Variants in HK1 observed in about 807,000 individuals in gnomAD.
The protein encoded by HK1 is hexokinase-1.
A neutral mutation model predicts 91.6 loss-of-function variants in HK1; 28 were observed. The observed-to-expected ratio is 0.31, with a 90% CI of 0.23 to 0.42. HK1 has a LOEUF of 0.42. Ranked by LOEUF, HK1 falls within the 10% of genes least tolerant of loss-of-function variation. HK1 has a pLI of 1.00. For synonymous variants in HK1, 430 were observed against 468.1 expected (o/e 0.92, Z 1.05); for missense variants, 770 against 1,219.8 (o/e 0.63, Z 5.49).
chr10:69,400,460 G>T (rs528641848), intron 17 of HK1, among the ~76,000 whole-genome samples: 7 of 152,228 alleles, frequency 4.6e-5, no homozygotes, highest in African/African-American at 1.7e-4. Flanking sequence ...GGCGCTGGGG[G>T]TCTCAGGGTT....
At chr10:69,342,393 A>G (rs1397355109) in intron 1 of HK1, among the ~76,000 whole-genome samples, 1 of 152,208 alleles carries the variant, frequency 6.6e-6, no homozygotes, top group Non-Finnish European at 1.5e-5. Flanking sequence ...TCCAGCCTGA[A>G]GGACTTGGAC....
chr10:69,371,658 T>C (rs558171010), intron 7 of HK1, among the ~76,000 whole-genome samples: 2 of 152,334 alleles, frequency 1.3e-5, no homozygotes, highest in South Asian at 4.1e-4. Context: ...CAGGCCCTTA[T>C]CCTTGGTTCC....
In HK1 at chr10:69,360,094, G is replaced by C. The variant is rs745979891; in HGVS notation, c.375+49G>C. On this transcript the variant is annotated intron_variant, in intron 3 of 17. Transcript: ENST00000359426. ...CACCCCGTCGGGCCAGCATCCCCTT[G>C]GTTACCTCCAGGAACCAGGCCTCAA... is the stretch of plus-strand genomic sequence containing the variant. 55 of 1,592,112 alleles carry C rather than the reference G, an allele frequency of 3.5e-5. 1 individual carries two copies. In the South Asian group the frequency reaches 6.1e-4, roughly 18 times the overall value.
intron 1 of HK1, among the ~76,000 whole-genome samples, chr10:69,328,268 G>A (rs1224402859): frequency 2.0e-5 from 3 of 152,166 alleles, no homozygotes; most frequent in African/African-American, 4.8e-5. Flanking sequence ...GTCCCTGTGC[G>A]AGGCAGAAAA....
At chr10:69,276,515 CG>C (rs1844481336) in intron 1 of HK1, among the ~76,000 whole-genome samples, 1 of 151,420 alleles carries the variant, frequency 6.6e-6, no homozygotes, top group Non-Finnish European at 1.5e-5. Flanking sequence ...AAAAATTAGC[CG>C]GGTGTGGTAG....
At chr10:69,279,059 T>C (rs1844605990) in intron 1 of HK1, among the ~76,000 whole-genome samples, 1 of 152,226 alleles carries the variant, frequency 6.6e-6, no homozygotes. Flanking sequence ...AGTAAGTTTC[T>C]TTGGAAGTTT....
intron 1 of HK1, among the ~76,000 whole-genome samples, chr10:69,276,138 TACAC>T (rs1554874357): frequency 2.7e-4 from 21 of 76,416 alleles, no homozygotes; most frequent in African/African-American, 7.3e-4. Context: ...TATATATATA[TACAC>T]ATATATATAT....
chr10:69,303,981 G>A (rs574339196), intron 5 of HK1, among the ~76,000 whole-genome samples: 3 of 152,212 alleles, frequency 2.0e-5, no homozygotes, highest in African/African-American at 7.2e-5. Context: ...TTCTGGCTGG[G>A]GGCCACAAGA....
At chr10:69,332,680 CCT>C (rs2132634605) in intron 1 of HK1, among the ~76,000 whole-genome samples, 2 of 152,134 alleles carry the variant, frequency 1.3e-5, no homozygotes, top group Non-Finnish European at 1.5e-5. Context: ...CCTGGCCTGG[CCT>C]CTGTTTCATC....
At chr10:69,340,308 G>A (rs374245325) in intron 1 of HK1, among the ~76,000 whole-genome samples, 24 of 152,168 alleles carry the variant, frequency 1.6e-4, no homozygotes, top group East Asian at 7.7e-4. Flanking sequence ...GTGCGATGGC[G>A]CGATCTTGGC....
At chr10:69,355,519 G>A (rs1849084478) in intron 2 of HK1, among the ~76,000 whole-genome samples, 1 of 152,210 alleles carries the variant, frequency 6.6e-6, no homozygotes, top group South Asian at 2.1e-4. Flanking sequence ...GCTGAGTGTG[G>A]TGGCTCATGC....
chr10:69,394,904 C>T (rs1191414256), intron 15 of HK1, 46 bp from the exon 16 acceptor site: 4 of 1,606,840 alleles, frequency 2.5e-6, no homozygotes, highest in Non-Finnish European at 2.6e-6. Flanking sequence ...TGACAGTTCT[C>T]CTGGCCACTT....
intron 2 of HK1, 103 bp from the exon 3 acceptor site, chr10:69,359,794 G>C: frequency 9.3e-7 from 1 of 1,075,316 alleles, no homozygotes; most frequent in Admixed American, 1.7e-5. Context: ...GCATGTGGCA[G>C]GGGGAGGCAG....
intron 1 of HK1, among the ~76,000 whole-genome samples, chr10:69,321,577 A>G (rs1292088443): frequency 6.6e-6 from 1 of 152,216 alleles, no homozygotes; most frequent in Non-Finnish European, 1.5e-5. Context: ...GGCATCCCTC[A>G]GTAACTCTCA....
intron 3 of HK1, among the ~76,000 whole-genome samples, chr10:69,291,714 T>C (rs1403978178): frequency 6.6e-6 from 1 of 152,196 alleles, no homozygotes; most frequent in Non-Finnish European, 1.5e-5. Flanking sequence ...TTTTGAGTTG[T>C]TCCAAGCTTA....
intron 1 of HK1, among the ~76,000 whole-genome samples, chr10:69,274,804 G>A (rs1387781576): frequency 2.6e-5 from 4 of 152,090 alleles, no homozygotes; most frequent in Non-Finnish European, 5.9e-5. Context: ...TGCATTTGAA[G>A]CTTCTCCAGA....
chr10:69,279,626 A>C (rs1844639470), intron 1 of HK1, among the ~76,000 whole-genome samples: 1 of 152,218 alleles, frequency 6.6e-6, no homozygotes, highest in Non-Finnish European at 1.5e-5. Context: ...TTGGGCTGTG[A>C]AGTATTTAGT....
chr10:69,327,761 G>T (rs1245604614), intron 1 of HK1, among the ~76,000 whole-genome samples: 1 of 152,194 alleles, frequency 6.6e-6, no homozygotes, highest in African/African-American at 2.4e-5. Flanking sequence ...TGTAATAGAT[G>T]AGTTTTAGTC....
upstream of HK1, among the ~76,000 whole-genome samples, chr10:69,316,222 G>A (rs577487456): frequency 1.3e-5 from 2 of 152,030 alleles, no homozygotes; most frequent in Admixed American, 6.6e-5. Flanking sequence ...AAAGAGTGGA[G>A]TCGATTACAG....
Sources: allele counts gnomAD v4.1 joint callset (sites outside exome capture counted in the v4.1 genomes callset), GRCh38; gene constraint gnomAD v4.1.1; transcripts MANE v1.5; gene names NCBI Gene and HGNC (gene_info 2026-07-23, HGNC 2026-07-21).